The following LHFPL3 variants were observed in gnomAD, a reference collection of about 807,000 sequenced individuals.
LHFPL3 encodes the protein LHFPL tetraspan subfamily member 3 protein.
A neutral mutation model predicts 19.3 loss-of-function variants in LHFPL3; 5 were observed. The ratio of observed to expected loss-of-function variants is 0.26; its 90% CI spans 0.14 to 0.54. The LOEUF is 0.54. Ranked by LOEUF, LHFPL3 falls within the 20% of genes least tolerant of loss-of-function variation. The pLI is 0.94. For missense variants in LHFPL3, 249 were observed against 307.4 expected, an observed-to-expected ratio of 0.81 and a Z score of 1.42; for synonymous variants, 133 against 126.2, an observed-to-expected ratio of 1.05 and a Z score of -0.36.
chr7:104,681,345 C>A (rs752512023), intron 1 of LHFPL3, among the ~76,000 whole-genome samples: 2 of 152,076 alleles, frequency 1.3e-5, no homozygotes, highest in Non-Finnish European at 2.9e-5. Flanking sequence ...AGGGAAGGGG[C>A]TAGGCATGGT....
intron 1 of LHFPL3, among the ~76,000 whole-genome samples, chr7:104,405,250 A>G (rs1791392244): frequency 1.3e-5 from 2 of 152,238 alleles, no homozygotes; most frequent in Admixed American, 6.5e-5. Flanking sequence ...AAGTAAAAAA[A>G]TGACATTTGT....
chr7:104,444,318 A>G (rs1028578444), intron 1 of LHFPL3, among the ~76,000 whole-genome samples: 5 of 152,214 alleles, frequency 3.3e-5, no homozygotes, highest in African/African-American at 9.7e-5. Context: ...TGGCGCTGTC[A>G]GAGAAATAAT....
intron 1 of LHFPL3, among the ~76,000 whole-genome samples, chr7:104,712,453 G>C (rs1187086782): frequency 6.6e-6 from 1 of 152,130 alleles, no homozygotes; most frequent in Non-Finnish European, 1.5e-5. Context: ...ATTCATGAGG[G>C]CTCTATCCTT....
chr7:104,413,718 C>T (rs758256353), intron 1 of LHFPL3, among the ~76,000 whole-genome samples: 10 of 152,108 alleles, frequency 6.6e-5, no homozygotes, highest in Non-Finnish European at 1.2e-4. Context: ...TAGGCTGGTC[C>T]GAACCATCAT....
chr7:104,562,051 C>T lies in LHFPL3; in HGVS notation c.446-174624C>T, dbSNP rs563616905. On this transcript the variant is annotated intron_variant, in intron 1 of 2. Coordinates refer to ENST00000424859, the MANE Select transcript of LHFPL3 (RefSeq NM_199000.3). ...CTTGTAGGGTTTCTGCTGAGAGATC[C>T]GCTGTTAGTCTGATGGGCTTCCCTT... is the stretch of plus-strand genomic sequence containing the variant. 2.3e-3 allele frequency among the ~76,000 whole-genome samples: 344 copies of T among 151,970 alleles called. 5 individuals carry two copies. The highest frequency in any genetic ancestry group is 7.0e-3 in the African/African-American group (291 of 41,386).
intron 1 of LHFPL3, among the ~76,000 whole-genome samples, chr7:104,522,394 G>T (rs1426564488): frequency 1.3e-5 from 1 of 77,350 alleles, no homozygotes; most frequent in Non-Finnish European, 2.7e-5. Context: ...TTGTGGGGTG[G>T]GGGGAGGGGG....
At chr7:104,439,417 C>T (rs1356846223) in intron 1 of LHFPL3, among the ~76,000 whole-genome samples, 1 of 151,962 alleles carries the variant, frequency 6.6e-6, no homozygotes, top group Non-Finnish European at 1.5e-5. Context: ...AAATTAAATC[C>T]AACTATATAT....
intron 2 of LHFPL3, among the ~76,000 whole-genome samples, chr7:104,837,516 AAAGT>A (rs1791119806): frequency 6.6e-6 from 1 of 152,228 alleles, no homozygotes; most frequent in Non-Finnish European, 1.5e-5. Context: ...ATAATCCCAT[AAAGT>A]AAGTGCTAAC....
intron 2 of LHFPL3, among the ~76,000 whole-genome samples, chr7:104,905,904 A>G (rs982732569): frequency 1.3e-5 from 2 of 152,244 alleles, no homozygotes; most frequent in African/African-American, 4.8e-5. Context: ...ACTTGGGAAC[A>G]GTCCACATTT....
At chr7:104,329,261 C>G (rs762354980) in intron 1 of LHFPL3, 37 bp downstream of exon 1, 3 of 1,553,746 alleles carry the variant, frequency 1.9e-6, no homozygotes, top group East Asian at 2.3e-5. Flanking sequence ...GCGGAGGACC[C>G]CGGGGCGCCC....
chr7:104,339,284 T>C (rs1789901768), intron 1 of LHFPL3, among the ~76,000 whole-genome samples: 1 of 152,074 alleles, frequency 6.6e-6, no homozygotes. Context: ...TGATAAATAC[T>C]AACTATTGAG....
At chr7:104,836,681 T>TAA (rs1178884205) in intron 2 of LHFPL3, among the ~76,000 whole-genome samples, 1 of 152,310 alleles carries the variant, frequency 6.6e-6, no homozygotes, top group South Asian at 2.1e-4. Context: ...CTGTTTTTTA[T>TAA]AAGTTCACTA....
intron 1 of LHFPL3, among the ~76,000 whole-genome samples, chr7:104,511,936 T>A (rs1242176625): frequency 6.7e-6 from 1 of 148,758 alleles, no homozygotes. Flanking sequence ...ATATTTTTCT[T>A]TCCTTTTCTT....
intron 1 of LHFPL3, among the ~76,000 whole-genome samples, chr7:104,716,384 T>C (rs1793386741): frequency 6.7e-6 from 1 of 150,324 alleles, no homozygotes; most frequent in Non-Finnish European, 1.5e-5. Flanking sequence ...AGAAGTAAAA[T>C]TTTCCTTGTT....
At chr7:104,729,698 A>G (rs1165720035) in intron 1 of LHFPL3, among the ~76,000 whole-genome samples, 1 of 151,970 alleles carries the variant, frequency 6.6e-6, no homozygotes, top group Non-Finnish European at 1.5e-5. Flanking sequence ...AAATGAAAGG[A>G]TTTCATTTTT....
Position 104,349,659 on chromosome 7 carries a change from C to T in LHFPL3, c.445+20435C>T, listed in dbSNP as rs145608993. Reference sequence around the variant, plus strand: ...ATGGGTGCATCAAACCACCATAGCACGTGTATACCTGTGTAACAAACCTGC... The same window carrying T: ...ATGGGTGCATCAAACCACCATAGCATGTGTATACCTGTGTAACAAACCTGC... On this transcript the variant is annotated intron_variant, in intron 1 of 2. Transcript: ENST00000424859. Among the ~76,000 whole-genome samples the T allele has an allele frequency of 2.3e-3, 348 of 152,292 alleles. 1 individual carries two copies. The highest frequency in any genetic ancestry group is 8.7e-3 in the South Asian group (42 of 4,830).
chr7:104,622,726 A>T (rs1791471350), intron 1 of LHFPL3, among the ~76,000 whole-genome samples: 1 of 152,226 alleles, frequency 6.6e-6, no homozygotes. Context: ...TTCACTTAGC[A>T]TAATATTTTC....
chr7:104,356,152 T>G (rs79897489), intron 1 of LHFPL3, among the ~76,000 whole-genome samples: 11,620 of 152,274 alleles, frequency 0.076, 479 homozygotes, highest in Middle Eastern at 0.092. Context: ...TACAGTTGTT[T>G]ACAGTGACTT....
intron 1 of LHFPL3, among the ~76,000 whole-genome samples, chr7:104,352,334 A>G (rs1172564049): frequency 6.6e-6 from 1 of 152,202 alleles, no homozygotes; most frequent in Non-Finnish European, 1.5e-5. Flanking sequence ...CATTTTACAT[A>G]TAAAATACTT....
Sources: allele counts gnomAD v4.1 joint callset (sites outside exome capture counted in the v4.1 genomes callset), GRCh38; gene constraint gnomAD v4.1.1; transcripts MANE v1.5; gene names NCBI Gene and HGNC (gene_info 2026-07-23, HGNC 2026-07-21).